The following ATL1 variants were observed in gnomAD, a reference collection of about 807,000 sequenced individuals.
ATL1 encodes the protein atlastin GTPase 1.
Under a neutral mutation model 75.5 loss-of-function variants are expected in ATL1, and 31 were observed. The ratio of observed to expected loss-of-function variants is 0.41; its 90% confidence interval spans 0.31 to 0.55. The LOEUF is 0.55. Ranked by LOEUF, ATL1 falls within the 20% of genes least tolerant of loss-of-function variation. ATL1 has a pLI of 0.27. For missense variants in ATL1, 405 were observed against 662.6 expected, an observed-to-expected ratio of 0.61 and a Z score of 4.27; for synonymous variants, 226 against 233.3, an observed-to-expected ratio of 0.97 and a Z score of 0.28.
chr14:50,627,929 T>C, intron 11 of ATL1, 102 bp from the exon 12 acceptor site: 1 of 1,087,808 alleles, frequency 9.2e-7, no homozygotes, highest in South Asian at 1.3e-5. Flanking sequence ...CTCCTGATTA[T>C]TAACGTATTC....
chr14:50,597,797 C>T (rs975038799), intron 6 of ATL1, among the ~76,000 whole-genome samples: 11 of 152,132 alleles, frequency 7.2e-5, no homozygotes, highest in African/African-American at 2.7e-4. Flanking sequence ...GGGATTCACG[C>T]CATTCTCCTG....
At chr14:50,592,504 C>T (rs958445459) in intron 4 of ATL1, among the ~76,000 whole-genome samples, 4 of 150,426 alleles carry the variant, frequency 2.7e-5, no homozygotes, top group Non-Finnish European at 1.5e-5. Context: ...GGAAGGAAGA[C>T]TGAATTTATT....
At chr14:50,619,581 C>T (rs2039447677) in intron 8 of ATL1, among the ~76,000 whole-genome samples, 1 of 152,186 alleles carries the variant, frequency 6.6e-6, no homozygotes. Context: ...GATCTGTTTT[C>T]TATATTACTT....
intron 4 of ATL1, 52 bp downstream of exon 4, chr14:50,591,691 A>C (rs759052054): frequency 1.9e-5 from 24 of 1,284,202 alleles, no homozygotes; most frequent in Non-Finnish European, 2.3e-6. Flanking sequence ...AATTATGAGT[A>C]TATGTGTTTC....
At chr14:50,562,322 G>A (rs915413182) in intron 1 of ATL1, among the ~76,000 whole-genome samples, 1 of 152,192 alleles carries the variant, frequency 6.6e-6, no homozygotes, top group African/African-American at 2.4e-5. Flanking sequence ...GGGATTACAG[G>A]AGCGAGCCAC....
intron 11 of ATL1, among the ~76,000 whole-genome samples, chr14:50,626,966 G>A (rs752645515): frequency 6.6e-6 from 1 of 152,146 alleles, no homozygotes; most frequent in Non-Finnish European, 1.5e-5. Context: ...GCATTGGCAG[G>A]GTTAGAGAGG....
chr14:50,552,265 G>T (rs1436202500), intron 1 of ATL1, among the ~76,000 whole-genome samples: 1 of 141,734 alleles, frequency 7.1e-6, no homozygotes, highest in Non-Finnish European at 1.6e-5. Context: ...TACAACAGCT[G>T]CAAAAAAAAA....
upstream of ATL1, among the ~76,000 whole-genome samples, chr14:50,557,261 G>A (rs1042584221): frequency 1.3e-5 from 2 of 152,126 alleles, no homozygotes; most frequent in Admixed American, 6.5e-5. Context: ...ATTACACTTA[G>A]AGAAATATCA....
At chr14:50,560,505 G>A (rs756093141) in intron 1 of ATL1, 39 of 646,366 alleles carry the variant, frequency 6.0e-5, no homozygotes, top group Non-Finnish European at 9.1e-5. Context: ...GTCGGGGTGA[G>A]GGCTGCAGCT....
upstream of ATL1, chr14:50,560,100 C>G: frequency 1.3e-6 from 1 of 754,682 alleles, no homozygotes; most frequent in Non-Finnish European, 2.2e-6. Flanking sequence ...TTTCTCCTCC[C>G]TTTTCCTCCC....
intron 1 of ATL1, chr14:50,560,566 C>T: frequency 3.8e-6 from 2 of 528,116 alleles, no homozygotes; most frequent in South Asian, 2.0e-5. Flanking sequence ...CTCCCGCCTC[C>T]TCCCAGCATT....
chr14:50,541,653 A>G (rs1455114994), intron 1 of ATL1, among the ~76,000 whole-genome samples: 1 of 152,150 alleles, frequency 6.6e-6, no homozygotes, highest in African/African-American at 2.4e-5. Flanking sequence ...CCAATGGTAA[A>G]CAGGAAACTG....
intron 2 of ATL1, among the ~76,000 whole-genome samples, chr14:50,589,298 A>T (rs565790241): frequency 1.2e-4 from 18 of 151,648 alleles, no homozygotes; most frequent in Admixed American, 1.2e-3. Flanking sequence ...AGCTGGGATT[A>T]CAAGCATGCG....
chr14:50,537,962 G>T (rs1464223819), intron 1 of ATL1, among the ~76,000 whole-genome samples: 1 of 152,142 alleles, frequency 6.6e-6, no homozygotes, highest in African/African-American at 2.4e-5. Flanking sequence ...TAACACTTTG[G>T]GGGACTGTTG....
chr14:50,559,538 T>A (rs1416816970), upstream of ATL1: 1 of 152,276 alleles, frequency 6.6e-6, no homozygotes, highest in Admixed American at 6.5e-5. Flanking sequence ...TATTGGACTA[T>A]AGGTCTGGAC....
intron 1 of ATL1, among the ~76,000 whole-genome samples, chr14:50,572,533 A>G (rs1256130064): frequency 6.6e-6 from 1 of 151,848 alleles, no homozygotes; most frequent in Non-Finnish European, 1.5e-5. Flanking sequence ...GTTTATGTGT[A>G]CCTTCCTTAG....
At chr14:50,562,131 A>G (rs539362459) in intron 1 of ATL1, among the ~76,000 whole-genome samples, 1 of 150,290 alleles carries the variant, frequency 6.7e-6, no homozygotes, top group Non-Finnish European at 1.5e-5. Context: ...TGCAAGCTCC[A>G]CCTCCCGGGT....
At chr14:50,613,523 C>G (rs936037862) in intron 7 of ATL1, among the ~76,000 whole-genome samples, 172 bp downstream of exon 7, 1 of 152,044 alleles carries the variant, frequency 6.6e-6, no homozygotes, top group Non-Finnish European at 1.5e-5. Context: ...ATAAGTTACT[C>G]CTAAAGATAA....
intron 6 of ATL1, among the ~76,000 whole-genome samples, chr14:50,600,523 A>G (rs1227323239): frequency 1.3e-5 from 2 of 152,236 alleles, no homozygotes; most frequent in East Asian, 1.9e-4. Flanking sequence ...CAAAAAATAC[A>G]TTATAAAATC....
Sources: allele counts gnomAD v4.1 joint callset (sites outside exome capture counted in the v4.1 genomes callset), GRCh38; gene constraint gnomAD v4.1.1; transcripts MANE v1.5; gene names NCBI Gene and HGNC (gene_info 2026-07-23, HGNC 2026-07-21).